MAML2: variants seen among roughly 807,000 people sequenced by gnomAD.
MAML2 encodes mastermind-like protein 2.
A neutral mutation model predicts 96.1 loss-of-function variants in MAML2; 22 were observed. The observed-to-expected ratio is 0.23, with a 90% CI of 0.16 to 0.33. The LOEUF (loss-of-function observed/expected upper bound fraction) is 0.33. Among genes scored for constraint, MAML2 ranks in the 10% least tolerant of loss-of-function variants. MAML2 has a pLI of 1.00. For missense variants in MAML2, 1,367 were observed against 1,392.4 expected (o/e 0.98, Z 0.29); for synonymous variants, 561 against 521.3 (o/e 1.08, Z -1.04).
At chr11:96,027,910 T>G (rs988896797) in intron 2 of MAML2, among the ~76,000 whole-genome samples, 7 of 152,024 alleles carry the variant, frequency 4.6e-5, no homozygotes, top group Non-Finnish European at 4.4e-5. Flanking sequence ...TTTCGTATTT[T>G]TTGTAGAGAT....
At chr11:96,083,777 T>A (rs1859563681) in intron 2 of MAML2, among the ~76,000 whole-genome samples, 1 of 152,160 alleles carries the variant, frequency 6.6e-6, no homozygotes, top group East Asian at 1.9e-4. Flanking sequence ...CAGTGGTGAA[T>A]AAGACAGATG....
At chr11:96,007,290 C>CATG (rs535715125) in intron 2 of MAML2, among the ~76,000 whole-genome samples, 35,636 of 151,566 alleles carry the variant, frequency 0.24, 4,486 homozygotes, top group East Asian at 0.38. Context: ...GGATTACAGG[C>CATG]GTGAGCCACC....
chr11:95,985,487 TCC>T lies in MAML2; in HGVS notation c.2455+42_2455+43del. 5.8e-6 allele frequency: 7 copies of T among 1,199,554 alleles called. No individual in the cohort carries two copies. The Admixed American group carries it at 1.3e-4, about 21-fold the overall frequency. 74.3% of individuals were successfully genotyped at this position (1,199,554 alleles called of 1,614,324 possible). On this transcript the variant is annotated intron_variant, in intron 4 of 4. Coordinates refer to ENST00000524717, the MANE Select transcript of MAML2 (RefSeq NM_032427.4). Reference sequence around the variant, plus strand: ...ATTATTGAAAATTGAAGTTTTTTTTTCCTTTCACAGCTATAATTTTTATTAAT... The same window carrying T: ...ATTATTGAAAATTGAAGTTTTTTTTTTTTCACAGCTATAATTTTTATTAAT...
rs552409420 is a variant in MAML2, at chr11:96,256,183, T to A, written c.513+85200A>T. Among the ~76,000 whole-genome samples the A allele has an allele frequency of 3.9e-4, 60 of 152,184 alleles. 1 individual carries two copies. Among genetic ancestry groups the A allele is most frequent in the Admixed American group, 3.3e-4 (5 of 15,274 alleles). On this transcript the variant is annotated intron_variant, in intron 1 of 4. Transcript: ENST00000524717. ...CCCACCGCACCTGGCCAATTTCCCCTTTTTATATGAACCTCAGTAAGGTAG... is the reference window on the plus strand; with the variant it reads ...CCCACCGCACCTGGCCAATTTCCCCATTTTATATGAACCTCAGTAAGGTAG...
At chr11:96,219,845 C>T (rs1200167662) in intron 1 of MAML2, among the ~76,000 whole-genome samples, 4 of 152,082 alleles carry the variant, frequency 2.6e-5, no homozygotes, top group Non-Finnish European at 4.4e-5. Flanking sequence ...AGGCTGGTCT[C>T]GAACTCCTGA....
chr11:96,084,408 C>A (rs1206140553), intron 2 of MAML2, among the ~76,000 whole-genome samples: 1 of 152,116 alleles, frequency 6.6e-6, no homozygotes, highest in Non-Finnish European at 1.5e-5. Context: ...GAGAGGCAAG[C>A]AGGAACAATG....
rs146737999 is a variant in MAML2, at chr11:96,083,960, T to C, written c.2139+7932A>G. Among the ~76,000 whole-genome samples the C allele has an allele frequency of 9.2e-5, 14 of 152,258 alleles. No homozygotes were observed. In the East Asian group the frequency reaches 2.3e-3, roughly 25 times the overall value. ...GGGAAACCTTCTGGGGGAAATGAAG[T>C]CTTAGCTGAGACTGAAGAAAATTTA... On this transcript the variant is annotated intron_variant, in intron 2 of 4. Transcript: ENST00000524717.
chr11:96,210,977 A>G (rs1043815485), intron 1 of MAML2, among the ~76,000 whole-genome samples: 2 of 152,162 alleles, frequency 1.3e-5, no homozygotes, highest in Non-Finnish European at 2.9e-5. Flanking sequence ...CTACATGTGA[A>G]GCTGACATTT....
intron 1 of MAML2, among the ~76,000 whole-genome samples, chr11:96,277,916 A>AC (rs910390984): frequency 8.5e-5 from 9 of 105,902 alleles, no homozygotes; most frequent in Non-Finnish European, 1.3e-4. Context: ...TTCTGTGGGA[A>AC]CTTTTTTTTT....
chr11:96,132,657 T>C (rs1376199259), intron 1 of MAML2, among the ~76,000 whole-genome samples: 1 of 152,208 alleles, frequency 6.6e-6, no homozygotes, highest in Non-Finnish European at 1.5e-5. Flanking sequence ...ATATAGCGTG[T>C]TCTTAGCGTT....
intron 1 of MAML2, among the ~76,000 whole-genome samples, chr11:96,192,792 A>G (rs1861673363): frequency 6.6e-6 from 1 of 152,222 alleles, no homozygotes; most frequent in Non-Finnish European, 1.5e-5. Flanking sequence ...TCTTTGGGAC[A>G]TATGCCAGCA....
At chr11:96,254,357 G>C (rs1862631328) in intron 1 of MAML2, among the ~76,000 whole-genome samples, 1 of 151,764 alleles carries the variant, frequency 6.6e-6, no homozygotes. Context: ...AGAACCTCAG[G>C]GGCGAGTGGG....
chr11:96,064,252 T>TGGATCATCTGTGTTCCTGGGC (rs1859211450), intron 2 of MAML2, among the ~76,000 whole-genome samples: 1 of 152,180 alleles, frequency 6.6e-6, no homozygotes, highest in African/African-American at 2.4e-5. Context: ...TGTTCCTGGA[T>TGGATCATCTGTGTTCCTGGGC]GGATCATCTG....
intron 2 of MAML2, among the ~76,000 whole-genome samples, chr11:96,084,098 T>C (rs952907084): frequency 3.3e-5 from 5 of 152,068 alleles, no homozygotes; most frequent in African/African-American, 1.2e-4. Flanking sequence ...CTGGAGGACA[T>C]TTATTATGAA....
At chr11:96,219,703 G>C (rs1044312347) in intron 1 of MAML2, among the ~76,000 whole-genome samples, 1 of 152,138 alleles carries the variant, frequency 6.6e-6, no homozygotes, top group African/African-American at 2.4e-5. Flanking sequence ...TCGGCTCACT[G>C]CAACTCCACC....
intron 1 of MAML2, among the ~76,000 whole-genome samples, chr11:96,099,090 T>C (rs1703139724): frequency 6.6e-6 from 1 of 152,140 alleles, no homozygotes. Flanking sequence ...ACTTCTGTCT[T>C]TCTCAACCAG....
At chr11:96,071,066 C>T (rs970667866) in intron 2 of MAML2, among the ~76,000 whole-genome samples, 2 of 152,212 alleles carry the variant, frequency 1.3e-5, no homozygotes, top group Non-Finnish European at 2.9e-5. Flanking sequence ...AGCTAAGGGG[C>T]CTTCTGAGTG....
intron 3 of MAML2, among the ~76,000 whole-genome samples, chr11:95,989,159 A>G (rs1024013150): frequency 6.6e-6 from 1 of 152,248 alleles, no homozygotes; most frequent in African/African-American, 2.4e-5. Context: ...ACAAACTTTC[A>G]TGAGACAACG....
At chr11:96,100,305 TTTTC>T (rs942206523) in intron 1 of MAML2, among the ~76,000 whole-genome samples, 5 of 152,112 alleles carry the variant, frequency 3.3e-5, no homozygotes, top group African/African-American at 7.2e-5. Flanking sequence ...TTGTTGTTGT[TTTTC>T]TTTCTTTTTT....
Sources: allele counts gnomAD v4.1 joint callset (sites outside exome capture counted in the v4.1 genomes callset), GRCh38; gene constraint gnomAD v4.1.1; transcripts MANE v1.5; gene names NCBI Gene and HGNC (gene_info 2026-07-23, HGNC 2026-07-21).